Variants in FSTL5 observed in about 807,000 individuals in gnomAD.
FSTL5 encodes the protein follistatin-related protein 5.
Under a neutral mutation model 89.1 loss-of-function variants are expected in FSTL5, and 62 were observed. The observed-to-expected ratio is 0.70, with a 90% CI of 0.57 to 0.86. The LOEUF is 0.86. FSTL5 is among the 40% of genes least tolerant of loss of function. The probability of loss-of-function intolerance (pLI) is 0.00; values close to 1 mark genes in which losing one functional copy is unlikely to be tolerated. For synonymous variants in FSTL5, 383 were observed against 346.2 expected, an observed-to-expected ratio of 1.11 and a Z score of -1.18; for missense variants, 1,057 against 1,001.6, an observed-to-expected ratio of 1.06 and a Z score of -0.75.
chr4:161,917,885 G>A (rs1733884310), intron 4 of FSTL5, among the ~76,000 whole-genome samples: 1 of 152,010 alleles, frequency 6.6e-6, no homozygotes, highest in African/African-American at 2.4e-5. Context: ...CCTGGATTTG[G>A]CCAATAGTTT....
chr4:162,144,707 T>C (rs1732901592), intron 1 of FSTL5, among the ~76,000 whole-genome samples: 1 of 152,116 alleles, frequency 6.6e-6, no homozygotes, highest in African/African-American at 2.4e-5. Context: ...TGCAGTAAGA[T>C]ACCAATACAG....
chr4:161,693,686 C>G (rs867403378), intron 6 of FSTL5, among the ~76,000 whole-genome samples: 3 of 131,212 alleles, frequency 2.3e-5, no homozygotes, highest in Non-Finnish European at 4.7e-5. Flanking sequence ...TCGCCCAGGC[C>G]GGAGTGCAGT....
At chr4:161,860,224 C>G (rs561820949) in intron 4 of FSTL5, among the ~76,000 whole-genome samples, 1 of 152,014 alleles carries the variant, frequency 6.6e-6, no homozygotes, top group Non-Finnish European at 1.5e-5. Context: ...GGAGGCGGAG[C>G]TTGCAGTGAG....
At chr4:162,036,783 A>G (rs1279158582) in intron 2 of FSTL5, among the ~76,000 whole-genome samples, 1 of 152,000 alleles carries the variant, frequency 6.6e-6, no homozygotes, top group Non-Finnish European at 1.5e-5. Flanking sequence ...TATGTCTAAG[A>G]AAATGCCCAT....
At chr4:161,669,862 A>G (rs948968985) in intron 6 of FSTL5, among the ~76,000 whole-genome samples, 16 of 152,134 alleles carry the variant, frequency 1.1e-4, no homozygotes, top group African/African-American at 3.4e-4. Context: ...TACTTTGGTT[A>G]TATTATTACA....
chr4:161,812,261 T>C (rs907073868), intron 4 of FSTL5, among the ~76,000 whole-genome samples: 4 of 152,238 alleles, frequency 2.6e-5, no homozygotes, highest in African/African-American at 9.6e-5. Flanking sequence ...TAGAGATATT[T>C]AGGCCTTTTA....
At chr4:161,834,693 C>T (rs1172733306) in intron 4 of FSTL5, among the ~76,000 whole-genome samples, 1 of 152,086 alleles carries the variant, frequency 6.6e-6, no homozygotes, top group Non-Finnish European at 1.5e-5. Context: ...GAGTGAACTC[C>T]CATTCACAAT....
At chr4:161,548,073 C>T (rs1391051871) in intron 8 of FSTL5, among the ~76,000 whole-genome samples, 1 of 151,564 alleles carries the variant, frequency 6.6e-6, no homozygotes, top group African/African-American at 2.4e-5. Flanking sequence ...TTCATGGTAC[C>T]TTTAGTTATT....
intron 12 of FSTL5, chr4:161,495,126 G>A (rs1366795411): frequency 6.6e-6 from 1 of 152,034 alleles, no homozygotes; most frequent in African/African-American, 2.4e-5. Context: ...CACAATATAA[G>A]ACATATGCAT....
chr4:162,128,052 C>A (rs185486715), intron 1 of FSTL5, among the ~76,000 whole-genome samples: 1 of 152,184 alleles, frequency 6.6e-6, no homozygotes, highest in Non-Finnish European at 1.5e-5. Flanking sequence ...AAATCCAATT[C>A]ATGAAACATG....
In FSTL5 at chr4:162,058,458, G is replaced by A. The variant is rs146382995; in HGVS notation, c.127-24800C>T. On this transcript the variant is annotated intron_variant, in intron 2 of 15. Transcript: ENST00000306100. ...TTTTTTTTTTTTGAGACAGGGTCTC[G>A]CTCTGTCCCCCAGGCTAGAGTGCAG... Among the ~76,000 whole-genome samples, 823 of 119,876 alleles carry A rather than the reference G, an allele frequency of 6.9e-3. 6 individuals are homozygous for A. Among genetic ancestry groups the A allele is most frequent in the African/African-American group, 0.025 (757 of 29,912 alleles). 78.6% of individuals were successfully genotyped at this position (119,876 alleles called of 152,430 possible).
intron 13 of FSTL5, among the ~76,000 whole-genome samples, chr4:161,463,894 C>T (rs1457139089): frequency 1.3e-5 from 2 of 152,140 alleles, no homozygotes; most frequent in East Asian, 3.9e-4. Context: ...TGCAATATCT[C>T]TACTATCCCC....
In FSTL5 at chr4:162,058,423, CTT is replaced by C. The variant is rs764578152; in HGVS notation, c.127-24767_127-24766del. 4.8e-3 allele frequency among the ~76,000 whole-genome samples: 539 copies of C among 112,048 alleles called. 2 individuals are homozygous for C. Among genetic ancestry groups the C allele is most frequent in the Middle Eastern group, 0.016 (3 of 190 alleles). The allele number at this position is 112,048 out of a possible 152,430, so 73.5% of individuals were successfully genotyped here. On this transcript the variant is annotated intron_variant, in intron 2 of 15. Transcript: ENST00000306100. ...TTACACTTTCAACTAATAAATTCCT[CTT>C]TTTTTTTTTTTTTTTTTTTGAGACA...
chr4:161,847,736 T>A (rs1358076506), intron 4 of FSTL5, among the ~76,000 whole-genome samples: 1 of 151,934 alleles, frequency 6.6e-6, no homozygotes, highest in East Asian at 1.9e-4. Flanking sequence ...CACTCCCTAG[T>A]TTAAAAAATC....
intron 3 of FSTL5, among the ~76,000 whole-genome samples, chr4:161,923,956 A>T (rs1457040377): frequency 6.6e-6 from 1 of 151,862 alleles, no homozygotes; most frequent in Non-Finnish European, 1.5e-5. Flanking sequence ...CATATTATGT[A>T]AATGAATAGC....
chr4:161,841,160 C>G (rs1731200357), intron 4 of FSTL5, among the ~76,000 whole-genome samples: 1 of 152,124 alleles, frequency 6.6e-6, no homozygotes, highest in Non-Finnish European at 1.5e-5. Context: ...CTTCTATAAA[C>G]AGTTCCTTAT....
chr4:161,875,801 G>A (rs1732423446), intron 4 of FSTL5, among the ~76,000 whole-genome samples: 1 of 152,000 alleles, frequency 6.6e-6, no homozygotes, highest in Admixed American at 6.6e-5. Flanking sequence ...GCCAATACTG[G>A]GGGCATCAGA....
chr4:161,560,380 C>A (rs1401288479), intron 8 of FSTL5, among the ~76,000 whole-genome samples: 1 of 151,808 alleles, frequency 6.6e-6, no homozygotes, highest in Non-Finnish European at 1.5e-5. Flanking sequence ...AAACACTGAA[C>A]ACTCAGGCTA....
chr4:161,752,605 T>A (rs1038074915), intron 6 of FSTL5, among the ~76,000 whole-genome samples: 3 of 152,166 alleles, frequency 2.0e-5, no homozygotes, highest in African/African-American at 7.2e-5. Flanking sequence ...TTTTTTCCCT[T>A]GGATTCAGCT....
Sources: allele counts gnomAD v4.1 joint callset (sites outside exome capture counted in the v4.1 genomes callset), GRCh38; gene constraint gnomAD v4.1.1; transcripts MANE v1.5; gene names NCBI Gene and HGNC (gene_info 2026-07-23, HGNC 2026-07-21).